The following DPP10 variants were observed in gnomAD, a reference collection of about 807,000 sequenced individuals.
The protein encoded by DPP10 is inactive dipeptidyl peptidase 10.
DPP10 carries 33 observed loss-of-function variants against 120.9 expected under a neutral mutation model. That is an observed-to-expected ratio of 0.27 (90% CI 0.21 to 0.37). The LOEUF is 0.37. DPP10 is among the 10% of genes least tolerant of loss of function. DPP10 has a pLI of 1.00. For synonymous variants in DPP10, 337 were observed against 326.1 expected (o/e 1.03, Z -0.36); for missense variants, 816 against 942.8 (o/e 0.87, Z 1.76).
chr2:115,161,132 G>A (rs564142508), intron 1 of DPP10: 6 of 152,630 alleles, frequency 3.9e-5, no homozygotes, highest in African/African-American at 1.4e-4. Flanking sequence ...CGTGACCCAA[G>A]CAGCTGGTAG....
chr2:115,723,466 TAATC>T (rs2092693020), intron 7 of DPP10, among the ~76,000 whole-genome samples: 1 of 152,192 alleles, frequency 6.6e-6, no homozygotes, highest in African/African-American at 2.4e-5. Context: ...GGATGAATAG[TAATC>T]CATCCAGGCA....
At chr2:115,066,125 T>A (rs1192911346) in intron 1 of DPP10, among the ~76,000 whole-genome samples, 1 of 152,204 alleles carries the variant, frequency 6.6e-6, no homozygotes, top group African/African-American at 2.4e-5. Context: ...ATAAACTTCA[T>A]AAGGCAGAAG....
At chr2:114,594,751 G>A (rs944047085) in intron 1 of DPP10, among the ~76,000 whole-genome samples, 4 of 151,882 alleles carry the variant, frequency 2.6e-5, no homozygotes, top group African/African-American at 9.7e-5. Context: ...TATATTGAGA[G>A]ATAACTCAGC....
intron 1 of DPP10, among the ~76,000 whole-genome samples, chr2:114,604,726 G>C (rs1043791965): frequency 2.6e-5 from 4 of 152,090 alleles, no homozygotes; most frequent in African/African-American, 9.7e-5. Flanking sequence ...TTCTGCACTG[G>C]TTTCTGTCTA....
intron 1 of DPP10, among the ~76,000 whole-genome samples, chr2:115,170,067 A>G (rs564777131): frequency 6.6e-6 from 1 of 152,326 alleles, no homozygotes; most frequent in African/African-American, 2.4e-5. Context: ...AATGGACCAG[A>G]GAGACCACTT....
At chr2:115,207,502 A>G (rs538969414) in intron 1 of DPP10, among the ~76,000 whole-genome samples, 2 of 140,026 alleles carry the variant, frequency 1.4e-5, no homozygotes, top group South Asian at 4.9e-4. Context: ...TTGAGTGCCT[A>G]TTGTGTTTAA....
chr2:115,277,447 CTTTTTTTTTT>C (rs70941038), intron 1 of DPP10, among the ~76,000 whole-genome samples: 9 of 49,780 alleles, frequency 1.8e-4, no homozygotes, highest in South Asian at 1.5e-3. Context: ...CTGCCAGGGC[CTTTTTTTTTT>C]TTTTTTTTTT....
chr2:115,037,987 T>C (rs1405795571), intron 1 of DPP10, among the ~76,000 whole-genome samples: 1 of 152,218 alleles, frequency 6.6e-6, no homozygotes, highest in Non-Finnish European at 1.5e-5. Context: ...CATATTATTC[T>C]ATTTTTAACA....
intron 1 of DPP10, among the ~76,000 whole-genome samples, chr2:114,812,330 G>C (rs758742741): frequency 6.6e-6 from 1 of 151,968 alleles, no homozygotes; most frequent in Non-Finnish European, 1.5e-5. Context: ...GGCTGGTCAC[G>C]GTGACTCATG....
intron 1 of DPP10, among the ~76,000 whole-genome samples, chr2:114,787,870 C>CTATATT (rs1328702765): frequency 6.6e-6 from 1 of 152,154 alleles, no homozygotes; most frequent in African/African-American, 2.4e-5. Context: ...AAATTCATTA[C>CTATATT]CTTCTTGCTA....
chr2:115,834,081 C>A (rs1056330390), intron 21 of DPP10, among the ~76,000 whole-genome samples: 1 of 152,166 alleles, frequency 6.6e-6, no homozygotes, highest in Non-Finnish European at 1.5e-5. Context: ...GGATAATTTT[C>A]TTTCCTTCAG....
At chr2:115,835,744 A>G (rs7582573) in intron 21 of DPP10, among the ~76,000 whole-genome samples, 1,958 of 152,222 alleles carry the variant, frequency 0.013, 43 homozygotes, top group African/African-American at 0.042. Context: ...ATTCTACATA[A>G]TCATCATTAT....
chr2:115,688,052 G>C (rs1413833546), intron 5 of DPP10, among the ~76,000 whole-genome samples: 1 of 152,006 alleles, frequency 6.6e-6, no homozygotes, highest in Non-Finnish European at 1.5e-5. Context: ...GAGAGAGAGA[G>C]AGAAAATATT....
At chr2:114,554,367 C>CTCA (rs1688122050) in intron 1 of DPP10, among the ~76,000 whole-genome samples, 1 of 152,214 alleles carries the variant, frequency 6.6e-6, no homozygotes, top group Non-Finnish European at 1.5e-5. Flanking sequence ...CTGGTCTGGC[C>CTCA]TCATCACTGG....
chr2:114,603,884 G>A (rs1410776287), intron 1 of DPP10, among the ~76,000 whole-genome samples: 3 of 152,040 alleles, frequency 2.0e-5, no homozygotes, highest in African/African-American at 7.2e-5. Context: ...TGCTAGAAAG[G>A]CTCACAGGAC....
intron 3 of DPP10, among the ~76,000 whole-genome samples, chr2:115,456,309 A>C (rs999474690): frequency 1.1e-4 from 16 of 152,184 alleles, no homozygotes; most frequent in African/African-American, 3.6e-4. Context: ...GTCAGGAAAC[A>C]ACAGATGCTG....
intron 1 of DPP10, among the ~76,000 whole-genome samples, chr2:114,862,116 T>G (rs917551178): frequency 8.5e-5 from 13 of 152,170 alleles, no homozygotes; most frequent in African/African-American, 3.1e-4. Context: ...ATTACCCATT[T>G]CAAAATTCCA....
intron 5 of DPP10, among the ~76,000 whole-genome samples, chr2:115,590,701 T>C (rs1013337438): frequency 4.6e-5 from 7 of 152,208 alleles, no homozygotes; most frequent in Non-Finnish European, 1.0e-4. Flanking sequence ...GATGGTTGGG[T>C]CAAATGGTAT....
At chr2:115,074,253 C>T (rs1172557315) in intron 1 of DPP10, among the ~76,000 whole-genome samples, 1 of 152,148 alleles carries the variant, frequency 6.6e-6, no homozygotes, top group Non-Finnish European at 1.5e-5. Context: ...AAGCAATCCT[C>T]CTGCCTCAAC....
Sources: gnomAD v4.1 joint callset for allele counts (sites outside exome capture counted in the v4.1 genomes callset) on GRCh38, gnomAD v4.1.1 for gene constraint, MANE v1.5 for transcripts, NCBI Gene and HGNC (gene_info 2026-07-23, HGNC 2026-07-21) for gene names.